ZFR2: variants seen among roughly 807,000 people sequenced by gnomAD.
ZFR2 encodes zinc finger RNA binding protein 2, also known as zinc finger RNA-binding protein 2.
A neutral mutation model predicts 105.7 loss-of-function variants in ZFR2; 104 were observed. The ratio of observed to expected loss-of-function variants is 0.98; its 90% CI spans 0.84 to 1.16. ZFR2 has a LOEUF of 1.16. Among genes scored for constraint, ZFR2 ranks in the 50% most tolerant of loss-of-function variants. The pLI, the probability that ZFR2 is intolerant of heterozygous loss-of-function variation, is 0.00. For synonymous variants in ZFR2, 634 were observed against 597.7 expected (o/e 1.06, Z -0.89); for missense variants, 1,425 against 1,355.5 (o/e 1.05, Z -0.80).
intron 1 of ZFR2, among the ~76,000 whole-genome samples, chr19:3,853,272 C>A (rs903826281): frequency 6.6e-6 from 1 of 152,156 alleles, no homozygotes; most frequent in Admixed American, 6.5e-5. Flanking sequence ...GGGTTCCCAG[C>A]GTGGGCGGTC....
chr19:3,840,640 C>T (rs1224130388), intron 1 of ZFR2, among the ~76,000 whole-genome samples: 2 of 152,124 alleles, frequency 1.3e-5, no homozygotes, highest in African/African-American at 4.8e-5. Flanking sequence ...AAGTGATCCT[C>T]CTGCCTCAGC....
At chr19:3,856,643 A>G (rs1282764566) in intron 1 of ZFR2, among the ~76,000 whole-genome samples, 2 of 152,176 alleles carry the variant, frequency 1.3e-5, no homozygotes. Context: ...CTAATTTGGT[A>G]TGGTGATGGT....
At position 3,827,618 on chromosome 19, in the gene ZFR2, T is replaced by C. The variant is rs2037966044; in HGVS notation, c.888A>G (p.Arg296=). ...CTGTCTTCTGGGCCGCCTCCTTCTT[T>C]CTGTGCTTCTGCCCTCCCAGATGTT... ...YREHLGGQKH[R]KKEAAQKTGV... The change falls in exon 6 of 19, where the codon AGA becomes AGG. Residue 296 remains arginine (R), a synonymous_variant. Transcript: ENST00000262961. The C allele has an allele frequency of 1.3e-6, 2 of 1,583,636 alleles. No individual in the cohort carries two copies. Among genetic ancestry groups the C allele is most frequent in the Non-Finnish European group, 1.7e-6 (2 of 1,165,500 alleles).
rs753669115 is a variant in ZFR2 at position 3,831,381 on chromosome 19, C to A, written c.774G>T (p.Leu258=). The A allele has an allele frequency of 1.9e-6, 3 of 1,557,910 alleles. No homozygotes were observed. The highest frequency in any genetic ancestry group is 1.2e-5 in the South Asian group (1 of 84,652). The part of the protein sequence containing the change: ...ADSKPPLPSK[L]PRPKAGPRQL... ...GCCTGGGCCCCGCCTTGGGTCTCGG[C>A]AGCTTGCTGGGAAGCGGTGGCTTCG... Residue 258 remains leucine (L), a synonymous_variant, in exon 5 of 19, where the codon CTG becomes CTT. Transcript: ENST00000262961.
chr19:3,818,058 G>C (rs186968610), intron 12 of ZFR2, among the ~76,000 whole-genome samples: 3 of 152,286 alleles, frequency 2.0e-5, no homozygotes, highest in Non-Finnish European at 4.4e-5. Context: ...GGGAAGATGA[G>C]ACAGCTGTGG....
chr19:3,835,981 C>T (rs1398351359), intron 1 of ZFR2, among the ~76,000 whole-genome samples: 6 of 151,966 alleles, frequency 3.9e-5, no homozygotes, highest in African/African-American at 1.4e-4. Flanking sequence ...AACAGTACAG[C>T]TGTCCCTCAC....
intron 2 of ZFR2, 74 bp from the exon 3 acceptor site, chr19:3,833,852 T>A (rs1197467386): frequency 6.3e-6 from 7 of 1,117,440 alleles, no homozygotes; most frequent in Non-Finnish European, 9.1e-6. Context: ...CGACGCGCCC[T>A]GCCACACTGC....
chr19:3,825,593 GCCT>G (rs2145152234), intron 6 of ZFR2, among the ~76,000 whole-genome samples, 186 bp from the exon 7 acceptor site: 1 of 152,288 alleles, frequency 6.6e-6, no homozygotes, highest in Non-Finnish European at 1.5e-5. Context: ...TTCCCAGGTG[GCCT>G]CCTGCCTTGC....
intron 13 of ZFR2, among the ~76,000 whole-genome samples, chr19:3,815,156 C>T (rs2037811943): frequency 6.6e-6 from 1 of 152,186 alleles, no homozygotes; most frequent in African/African-American, 2.4e-5. Flanking sequence ...GTGGCACTAT[C>T]TCTGCTCACT....
chr19:3,809,018 GGC>G (rs1266507198), intron 16 of ZFR2, 35 bp from the exon 17 acceptor site: 8 of 1,493,308 alleles, frequency 5.4e-6, no homozygotes, highest in Non-Finnish European at 7.1e-6. Context: ...CTGTGTTTTG[GGC>G]GCGCGGCAGC....
chr19:3,830,422 C>T (rs1050603254), intron 5 of ZFR2, among the ~76,000 whole-genome samples: 1 of 152,112 alleles, frequency 6.6e-6, no homozygotes, highest in Non-Finnish European at 1.5e-5. Flanking sequence ...AGCAACAGAG[C>T]GAGACTTTGT....
At chr19:3,850,543 C>T (rs553337240) in intron 1 of ZFR2, among the ~76,000 whole-genome samples, 114 of 152,022 alleles carry the variant, frequency 7.5e-4, no homozygotes, top group African/African-American at 2.2e-3. Flanking sequence ...GGTTATATGA[C>T]GTCATCAGGT....
intron 4 of ZFR2, 31 bp downstream of exon 4, chr19:3,831,629 A>C (rs759414449): frequency 1.3e-6 from 2 of 1,522,330 alleles, no homozygotes; most frequent in Non-Finnish European, 1.8e-6. Flanking sequence ...ACCGACGGGC[A>C]GACCACCTGG....
chr19:3,833,325 G>A (rs1015627195), intron 3 of ZFR2, among the ~76,000 whole-genome samples: 6 of 150,820 alleles, frequency 4.0e-5, no homozygotes, highest in East Asian at 4.0e-4. Flanking sequence ...GCCTGTAATC[G>A]CAGCACTTTG....
intron 1 of ZFR2, among the ~76,000 whole-genome samples, chr19:3,848,015 A>G (rs185982157): frequency 2.0e-5 from 3 of 152,318 alleles, no homozygotes; most frequent in African/African-American, 7.2e-5. Context: ...GAGCTCAACA[A>G]GAGGGTATGA....
chr19:3,822,172 C>G lies in ZFR2; in HGVS notation c.1400G>C (p.Arg467Pro). ...GCACTCGCACAGCTTGCAGTGGAAG[C>G]GAAGCACTCGCCCTTCGTCGCTGAA... ...EVFSDEGRVL[R>P]FHCKLCECSF... Residue 467 changes from arginine to proline, a missense_variant, in exon 9 of 19, where the codon CGC becomes CCC. Arg to Pro is a moderately radical substitution (Grantham distance 103, BLOSUM62 -2). Coordinates refer to ENST00000262961, the MANE Select transcript of ZFR2 (RefSeq NM_015174.2). 6.2e-7 allele frequency: 1 copy of G among 1,604,646 alleles called. No homozygotes were observed.
Position 3,831,760 on chromosome 19 carries a change from G to T in ZFR2, c.498C>A (p.Tyr166Ter). 1.2e-6 allele frequency: 2 copies of T among 1,610,328 alleles called. No individual in the cohort carries two copies. Among genetic ancestry groups the T allele is most frequent in the South Asian group, 1.1e-5 (1 of 90,648 alleles). ...GGACGCCTGTCGCCGTGGGGTAGGT[G>T]TATCCCGAGGACAAGGTGCTCGCTG... ...GQPASTLSSG[Y>*]TYPTATGVQP... is the part of the protein sequence containing the mutation. Residue 166 changes from tyrosine (Y) to a stop codon, truncating the protein, a stop_gained, in exon 4 of 19, where the codon TAC becomes TAA. Transcript: ENST00000262961. LOFTEE classifies it high-confidence loss of function.
At chr19:3,845,865 G>A (rs1321984676) in intron 1 of ZFR2, among the ~76,000 whole-genome samples, 8 of 152,198 alleles carry the variant, frequency 5.3e-5, no homozygotes, top group Non-Finnish European at 8.8e-5. Flanking sequence ...ATATTCAGAG[G>A]TACTGAGGGT....
intron 1 of ZFR2, among the ~76,000 whole-genome samples, chr19:3,864,456 G>A (rs757357370): frequency 7.9e-5 from 12 of 152,200 alleles, no homozygotes; most frequent in Non-Finnish European, 1.6e-4. Flanking sequence ...AAATCCAGTA[G>A]TCTTCTAACT....
Sources: allele counts gnomAD v4.1 joint callset (sites outside exome capture counted in the v4.1 genomes callset), GRCh38; gene constraint gnomAD v4.1.1; transcripts MANE v1.5; gene names NCBI Gene and HGNC (gene_info 2026-07-23, HGNC 2026-07-21).